LRRN2: variants seen among roughly 807,000 people sequenced by gnomAD.
LRRN2 encodes the protein leucine-rich repeat neuronal protein 2.
LRRN2 carries 10 observed loss-of-function variants against 35.7 expected under a neutral mutation model. The ratio of observed to expected loss-of-function variants is 0.28; its 90% CI spans 0.17 to 0.47. LRRN2 has a LOEUF of 0.47. Ranked by LOEUF, LRRN2 falls within the 20% of genes least tolerant of loss-of-function variation. The pLI is 0.99. For missense variants in LRRN2, 731 were observed against 940.3 expected (o/e 0.78, Z 2.91); for synonymous variants, 391 against 409.6 (o/e 0.95, Z 0.55).
intron 1 of LRRN2, among the ~76,000 whole-genome samples, chr1:204,636,864 TC>T (rs1235672833): frequency 6.6e-6 from 1 of 152,166 alleles, no homozygotes; most frequent in African/African-American, 2.4e-5. Flanking sequence ...AAAAAAAACT[TC>T]CCAGGATTTC....
chr1:204,649,367 C>T (rs1668175487), intron 1 of LRRN2, among the ~76,000 whole-genome samples: 1 of 152,206 alleles, frequency 6.6e-6, no homozygotes, highest in Admixed American at 6.5e-5. Flanking sequence ...ATCCGCAGCT[C>T]ACGGCCTGGT....
chr1:204,637,988 G>T (rs1264680082), intron 1 of LRRN2, among the ~76,000 whole-genome samples: 1 of 152,212 alleles, frequency 6.6e-6, no homozygotes, highest in Non-Finnish European at 1.5e-5. Flanking sequence ...GGACAGAGGA[G>T]AATGTACTAG....
intron 1 of LRRN2, chr1:204,628,025 C>T (rs890423806): frequency 6.6e-6 from 1 of 152,236 alleles, no homozygotes; most frequent in African/African-American, 2.4e-5. Context: ...TTTCAGAGCT[C>T]AGGTGGCTCC....
At chr1:204,680,763 G>A (rs1056267212) in intron 1 of LRRN2, among the ~76,000 whole-genome samples, 4 of 152,156 alleles carry the variant, frequency 2.6e-5, no homozygotes, top group Non-Finnish European at 5.9e-5. Context: ...CGGTGATGGT[G>A]ACATTCACAA....
intron 1 of LRRN2, among the ~76,000 whole-genome samples, chr1:204,633,801 T>C (rs1366660565): frequency 6.6e-6 from 1 of 152,218 alleles, no homozygotes; most frequent in Non-Finnish European, 1.5e-5. Context: ...AATGAGGAGA[T>C]TTCCAGTTGA....
chr1:204,629,494 T>G (rs1219522022), intron 1 of LRRN2: 1 of 153,304 alleles, frequency 6.5e-6, no homozygotes, highest in Non-Finnish European at 1.5e-5. Context: ...GGGAGGGAGA[T>G]AATTTGAATC....
chr1:204,649,970 A>G (rs1668187698), intron 1 of LRRN2, among the ~76,000 whole-genome samples: 1 of 152,210 alleles, frequency 6.6e-6, no homozygotes, highest in African/African-American at 2.4e-5. Flanking sequence ...AGTCAATTCC[A>G]TTCAATAAAA....
chr1:204,619,677 A>G lies in LRRN2; in HGVS notation c.316T>C (p.Ser106Pro). The G allele has an allele frequency of 6.2e-7, 1 of 1,614,198 alleles. No individual in the cohort carries two copies. The highest frequency in any genetic ancestry group is 1.3e-5 in the African/African-American group (1 of 75,060). ...TGGAAATCACAGTCTCGGGCATCCG[A>G]AAAGCTGTTCTGGGACAGGTCCAGC... ...TELDLSQNSFSDARDCDFHAL... is the reference protein window; with the variant it reads ...TELDLSQNSFPDARDCDFHAL... The change falls in exon 2 of 2, where the codon TCG becomes CCG. Residue 106 changes from serine to proline, a missense_variant. Physicochemically the swap from Ser to Pro is moderately conservative, Grantham distance 74. Coordinates refer to ENST00000367177, the MANE Select transcript of LRRN2 (RefSeq NM_201630.2).
At chr1:204,676,207 G>T (rs570564015) in intron 1 of LRRN2, among the ~76,000 whole-genome samples, 1 of 151,566 alleles carries the variant, frequency 6.6e-6, no homozygotes, top group South Asian at 2.1e-4. Context: ...GTTGCAAAAG[G>T]CATGCCAATC....
intron 1 of LRRN2, among the ~76,000 whole-genome samples, chr1:204,642,440 A>G (rs1463240778): frequency 6.6e-6 from 1 of 152,192 alleles, no homozygotes; most frequent in East Asian, 1.9e-4. Context: ...CAGAGGGGTG[A>G]AATGACCCCA....
intron 1 of LRRN2, among the ~76,000 whole-genome samples, chr1:204,634,828 T>G (rs1667793380): frequency 6.6e-6 from 1 of 152,252 alleles, no homozygotes; most frequent in Non-Finnish European, 1.5e-5. Context: ...GTTCCTGCTC[T>G]GCTACTTACT....
intron 1 of LRRN2, among the ~76,000 whole-genome samples, chr1:204,645,567 A>G (rs965682397): frequency 2.6e-5 from 4 of 152,198 alleles, no homozygotes; most frequent in African/African-American, 9.6e-5. Context: ...TGAGGCAGGT[A>G]TTACCATCTC....
intron 1 of LRRN2, among the ~76,000 whole-genome samples, chr1:204,647,171 A>G (rs201992408): frequency 3.6e-5 from 5 of 137,650 alleles, no homozygotes; most frequent in Admixed American, 2.2e-4. Flanking sequence ...AAAAAAAAAA[A>G]GGCTAGAAAG....
chr1:204,652,441 G>C (rs1045743902), intron 1 of LRRN2, among the ~76,000 whole-genome samples: 8 of 149,424 alleles, frequency 5.4e-5, no homozygotes, highest in African/African-American at 1.7e-4. Flanking sequence ...GAAGGACCGA[G>C]CTAAAGTTTT....
At chr1:204,684,773 A>G (rs770779807) in intron 1 of LRRN2, among the ~76,000 whole-genome samples, 40 of 151,812 alleles carry the variant, frequency 2.6e-4, no homozygotes, top group Non-Finnish European at 4.3e-4. Flanking sequence ...GCCCGGGAGG[A>G]GCCTAGCTCC....
intron 1 of LRRN2, among the ~76,000 whole-genome samples, chr1:204,647,756 G>A (rs1668142036): frequency 6.6e-6 from 1 of 152,182 alleles, no homozygotes; most frequent in Admixed American, 6.5e-5. Flanking sequence ...GACCAGAGCT[G>A]TCCAAGGTGG....
intron 1 of LRRN2, among the ~76,000 whole-genome samples, chr1:204,665,635 A>G (rs943031655): frequency 3.3e-5 from 5 of 152,154 alleles, no homozygotes; most frequent in Admixed American, 1.3e-4. Context: ...CTTATCTCCA[A>G]TGTGTCCCTG....
rs1353742127 is a variant in LRRN2 at position 204,618,863 on chromosome 1, A to G, written c.1130T>C (p.Ile377Thr). Residue 377 changes from isoleucine (I) to threonine (T), a missense_variant, in exon 2 of 2, where the codon ATC (isoleucine) becomes ACC (threonine). By Grantham distance (89) the Ile-to-Thr change is moderately conservative. This residue lies in a region of LRRN2 where 256 missense variants were observed against 392.4 expected (regional missense o/e 0.65). Transcript: ENST00000367177. Reference sequence around the variant, plus strand: ...GGTGCCCGTGGCATTGGCCCAGCGGATGACACAGTCACAGCGGATGGGGTT... The same window carrying G: ...GGTGCCCGTGGCATTGGCCCAGCGGGTGACACAGTCACAGCGGATGGGGTT... ...HGNPIRCDCV[I>T]RWANATGTRV... is the part of the protein sequence containing the mutation. 1 of 1,613,978 alleles carries G rather than the reference A, an allele frequency of 6.2e-7. No homozygotes were observed. Among genetic ancestry groups the G allele is most frequent in the African/African-American group, 1.3e-5 (1 of 74,904 alleles).
At chr1:204,639,001 C>T (rs760562311) in intron 1 of LRRN2, among the ~76,000 whole-genome samples, 1 of 152,244 alleles carries the variant, frequency 6.6e-6, no homozygotes, top group Non-Finnish European at 1.5e-5. Flanking sequence ...TCAGCTCCCA[C>T]CTTTGAAAGT....
Sources: gnomAD v4.1 joint callset for allele counts (sites outside exome capture counted in the v4.1 genomes callset) on GRCh38, gnomAD v4.1.1 for gene constraint, gnomAD v4.1.1 regional missense constraint, MANE v1.5 for transcripts, NCBI Gene and HGNC (gene_info 2026-07-23, HGNC 2026-07-21) for gene names.